Variants in VAT1L observed in about 807,000 individuals in gnomAD.
VAT1L encodes the protein putative NADPH-dependent quinone oxidoreductase VAT1L.
A neutral mutation model predicts 44.1 loss-of-function variants in VAT1L; 34 were observed. That is an observed-to-expected ratio of 0.77 (90% CI 0.59 to 1.03). The LOEUF is 1.03. VAT1L is among the 50% of genes least tolerant of loss of function. The pLI, the probability that VAT1L is intolerant of heterozygous loss-of-function variation, is 0.00. For missense variants in VAT1L, 615 were observed against 538.8 expected, an observed-to-expected ratio of 1.14 and a Z score of -1.40; for synonymous variants, 253 against 202.2, an observed-to-expected ratio of 1.25 and a Z score of -2.13.
intron 7 of VAT1L, among the ~76,000 whole-genome samples, chr16:77,970,207 G>T (rs1344828674): frequency 6.6e-6 from 1 of 152,118 alleles, no homozygotes; most frequent in Non-Finnish European, 1.5e-5. Flanking sequence ...CTTTACTCCA[G>T]CCAAGGCAAC....
At chr16:77,853,770 C>G (rs1376132094) in intron 3 of VAT1L, among the ~76,000 whole-genome samples, 2 of 151,910 alleles carry the variant, frequency 1.3e-5, no homozygotes, top group African/African-American at 4.8e-5. Context: ...CGGATCCATA[C>G]AATGAATAAA....
At chr16:77,847,668 A>G (rs946762524) in intron 3 of VAT1L, among the ~76,000 whole-genome samples, 8 of 152,184 alleles carry the variant, frequency 5.3e-5, no homozygotes, top group Non-Finnish European at 1.2e-4. Flanking sequence ...TCTTGTGCAC[A>G]TGCATCAAAA....
At chr16:77,931,156 G>C (rs987865432) in intron 7 of VAT1L, among the ~76,000 whole-genome samples, 3 of 152,106 alleles carry the variant, frequency 2.0e-5, no homozygotes, top group African/African-American at 4.8e-5. Flanking sequence ...CTCCTCGATA[G>C]AATTATGACT....
chr16:77,957,507 A>G (rs963943066), intron 7 of VAT1L, among the ~76,000 whole-genome samples: 1 of 152,120 alleles, frequency 6.6e-6, no homozygotes, highest in Non-Finnish European at 1.5e-5. Context: ...CGGGTAGATC[A>G]CAAGGTCAAG....
At chr16:77,805,837 T>A (rs2016146280) in intron 1 of VAT1L, among the ~76,000 whole-genome samples, 1 of 150,778 alleles carries the variant, frequency 6.6e-6, no homozygotes, top group South Asian at 2.1e-4. Flanking sequence ...CTTGTTACTT[T>A]TTGTGTTATT....
At chr16:77,847,705 C>G (rs1470752454) in intron 3 of VAT1L, among the ~76,000 whole-genome samples, 1 of 152,162 alleles carries the variant, frequency 6.6e-6, no homozygotes, top group Non-Finnish European at 1.5e-5. Flanking sequence ...CTAAGAAGTT[C>G]TAAAGTCGAG....
chr16:77,879,646 C>T lies in VAT1L; in HGVS notation c.882+422C>T, dbSNP rs533433594. ...TGTCTTTCAATTTCCTCGTTCATTT[C>T]CCATAAAACCTGCACTCCTGCCCTA... On this transcript the variant is annotated intron_variant, in intron 6 of 8. Transcript: ENST00000302536. The surrounding 1 kb of genome is among the most constrained non-coding windows in gnomAD (Gnocchi z 4.1). Among the ~76,000 whole-genome samples, 37 of 152,308 alleles carry T rather than the reference C, an allele frequency of 2.4e-4. No individual in the cohort carries two copies. Among genetic ancestry groups the T allele is most frequent in the African/African-American group, 8.2e-4 (34 of 41,574 alleles).
At chr16:77,853,101 A>C (rs1234180432) in intron 3 of VAT1L, among the ~76,000 whole-genome samples, 1 of 152,212 alleles carries the variant, frequency 6.6e-6, no homozygotes, top group East Asian at 1.9e-4. Flanking sequence ...AAGTAGAAGA[A>C]AAGGTTTAAA....
chr16:77,831,982 ATTTTTTTT>A (rs151275500), intron 3 of VAT1L, among the ~76,000 whole-genome samples: 1 of 125,984 alleles, frequency 7.9e-6, no homozygotes, highest in South Asian at 2.6e-4. Flanking sequence ...TGCCCGGCTA[ATTTTTTTT>A]TTTTTTTTTT....
At chr16:77,923,112 C>T (rs1003937965) in intron 7 of VAT1L, among the ~76,000 whole-genome samples, 2 of 152,162 alleles carry the variant, frequency 1.3e-5, no homozygotes, top group Admixed American at 1.3e-4. Context: ...CTGTGTGACC[C>T]CCCGAACCTC....
chr16:77,879,182 G>A lies in VAT1L; in HGVS notation c.840G>A (p.Met280Ile). The stretch of plus-strand genomic sequence containing the variant: ...TTTCATTTTCAGGCTCATCCAACAT[G>A]GTAACTGGAGAGACCAAGAGCTTCT... ...GTYILYGSSN[M>I]VTGETKSFFS... is the part of the protein sequence containing the mutation. The change falls in exon 6 of 9, where the codon ATG becomes ATA. Residue 280 changes from methionine (M) to isoleucine (I), a missense_variant. Met to Ile is a conservative substitution (Grantham distance 10). Coordinates refer to ENST00000302536, the MANE Select transcript of VAT1L (RefSeq NM_020927.3). The surrounding 1 kb of genome is among the most constrained non-coding windows in gnomAD (Gnocchi z 4.1). 6.2e-7 allele frequency: 1 copy of A among 1,614,080 alleles called. No individual in the cohort carries two copies. Among genetic ancestry groups the A allele is most frequent in the Non-Finnish European group, 8.5e-7 (1 of 1,179,974 alleles).
At chr16:77,866,138 A>G (rs1317568499) in intron 4 of VAT1L, among the ~76,000 whole-genome samples, 1 of 152,224 alleles carries the variant, frequency 6.6e-6, no homozygotes, top group Admixed American at 6.5e-5. Flanking sequence ...ACCTACCCTC[A>G]GGAAATAAGA....
At chr16:77,918,865 C>T (rs556345132) in intron 7 of VAT1L, among the ~76,000 whole-genome samples, 1 of 152,296 alleles carries the variant, frequency 6.6e-6, no homozygotes, top group South Asian at 2.1e-4. Context: ...AGATAGGCTC[C>T]CAGTAAATGT....
chr16:77,908,397 G>T (rs1366295552), intron 7 of VAT1L, among the ~76,000 whole-genome samples: 2 of 145,614 alleles, frequency 1.4e-5, no homozygotes, highest in African/African-American at 2.5e-5. Flanking sequence ...TCAGGAGGCA[G>T]AGGTTGCAGT....
intron 7 of VAT1L, among the ~76,000 whole-genome samples, chr16:77,916,243 G>T (rs1042963276): frequency 6.6e-6 from 1 of 152,152 alleles, no homozygotes; most frequent in Non-Finnish European, 1.5e-5. Context: ...GGGACTCACT[G>T]TGTGTTCTTG....
chr16:77,923,796 A>C (rs959557931), intron 7 of VAT1L, among the ~76,000 whole-genome samples: 1 of 152,166 alleles, frequency 6.6e-6, no homozygotes, highest in Admixed American at 6.5e-5. Flanking sequence ...AGAGGAAAAC[A>C]AAACAAAACA....
At chr16:77,966,815 C>G (rs1162571235) in intron 7 of VAT1L, among the ~76,000 whole-genome samples, 1 of 151,794 alleles carries the variant, frequency 6.6e-6, no homozygotes, top group Non-Finnish European at 1.5e-5. Flanking sequence ...TTTTTACTAG[C>G]CAAATTTCAA....
intron 7 of VAT1L, among the ~76,000 whole-genome samples, chr16:77,946,279 C>CTTTGTTTTTTTTTTT (rs2017963568): frequency 1.4e-5 from 1 of 70,418 alleles, no homozygotes; most frequent in Non-Finnish European, 2.5e-5. Flanking sequence ...GTTACTTGTT[C>CTTTGTTTTTTTTTTT]TTTTTTTTTT....
chr16:77,888,814 T>A (rs745527413), intron 7 of VAT1L, among the ~76,000 whole-genome samples: 6 of 152,204 alleles, frequency 3.9e-5, no homozygotes, highest in African/African-American at 1.4e-4. Flanking sequence ...GAAGCCACGA[T>A]GGCAAAGACA....
Sources: gnomAD v4.1 joint callset for allele counts (sites outside exome capture counted in the v4.1 genomes callset) on GRCh38, gnomAD v4.1.1 for gene constraint, Gnocchi (gnomAD v3.1) non-coding constraint, MANE v1.5 for transcripts, NCBI Gene and HGNC (gene_info 2026-07-23, HGNC 2026-07-21) for gene names.